LRRC2: variants seen among roughly 807,000 people sequenced by gnomAD.
The protein encoded by LRRC2 is leucine rich repeat containing 2.
Under a neutral mutation model 40.2 loss-of-function variants are expected in LRRC2, and 27 were observed. That is an observed-to-expected ratio of 0.67 (90% CI 0.49 to 0.93). The LOEUF (loss-of-function observed/expected upper bound fraction) is 0.93, where lower values mean the gene tolerates loss of function less well. LRRC2 is among the 40% of genes least tolerant of loss of function. The pLI, the probability that LRRC2 is intolerant of heterozygous loss-of-function variation, is 0.00. For synonymous variants in LRRC2, 147 were observed against 158.9 expected (o/e 0.92, Z 0.56); for missense variants, 402 against 439.6 (o/e 0.91, Z 0.76).
intron 5 of LRRC2, 56 bp from the exon 6 acceptor site, chr3:46,530,106 C>A (rs1704133025): frequency 1.4e-6 from 2 of 1,397,286 alleles, no homozygotes; most frequent in African/African-American, 2.9e-5. Flanking sequence ...GAATTAAGTT[C>A]AACTAATAAT....
intron 2 of LRRC2, among the ~76,000 whole-genome samples, chr3:46,550,200 A>G (rs930684961): frequency 1.3e-5 from 2 of 152,104 alleles, no homozygotes; most frequent in Admixed American, 6.5e-5. Context: ...TGAGCAACTT[A>G]CCTAAGTCCC....
intron 1 of LRRC2, among the ~76,000 whole-genome samples, chr3:46,555,658 C>G (rs898196106): frequency 6.6e-6 from 1 of 152,156 alleles, no homozygotes; most frequent in African/African-American, 2.4e-5. Context: ...CCTACATTCC[C>G]ACCTTTATGT....
At chr3:46,558,496 G>C (rs1270771024) in intron 1 of LRRC2, 1 of 152,170 alleles carries the variant, frequency 6.6e-6, no homozygotes, top group Non-Finnish European at 1.5e-5. Context: ...GCCCGTCTAC[G>C]GCGTGGCTGA....
At chr3:46,548,382 A>T (rs757653548) in intron 2 of LRRC2, among the ~76,000 whole-genome samples, 2 of 152,224 alleles carry the variant, frequency 1.3e-5, no homozygotes, top group Non-Finnish European at 2.9e-5. Context: ...TGATGAAAGG[A>T]AAGTGAAGAA....
At chr3:46,553,492 GGCTGGAGGGCAGTGATCCAGGT>G (rs1213867526) in intron 1 of LRRC2, among the ~76,000 whole-genome samples, 2 of 152,084 alleles carry the variant, frequency 1.3e-5, no homozygotes, top group Non-Finnish European at 2.9e-5. Flanking sequence ...CTGTTCCCTA[GGCTGGAGGGCAGTGATCCAGGT>G]GCAATCACTG....
At position 46,545,046 on chromosome 3, in the gene LRRC2, C is replaced by A. The variant is rs747681721; in HGVS notation, c.333G>T (p.Thr111=). The A allele has an allele frequency of 6.2e-7, 1 of 1,612,110 alleles. No homozygotes were observed. The highest frequency in any genetic ancestry group is 2.2e-5 in the East Asian group (1 of 44,902). The stretch of plus-strand genomic sequence containing the variant: ...TTGGGCGAGAACTGCCTCGACTCAC[C>A]GTCCAGTGCTCCCCAGAAAGTTCAA... ...FVFELSGEHW[T]ELPDSLKEQT... is the part of the protein sequence containing the mutation. The change falls in exon 3 of 9, where the codon ACG becomes ACT. Residue 111 remains threonine, a splice_region_variant and synonymous_variant. Coordinates refer to ENST00000395905, the MANE Select transcript of LRRC2 (RefSeq NM_024512.5).
chr3:46,530,847 T>G (rs1704146668), intron 5 of LRRC2, among the ~76,000 whole-genome samples: 1 of 152,216 alleles, frequency 6.6e-6, no homozygotes. Flanking sequence ...GGAGCTGCAA[T>G]TCAAGATGAG....
In LRRC2 at chr3:46,527,878, C is replaced by T. The variant is rs1704087717; in HGVS notation, c.774-297G>A. Among the ~76,000 whole-genome samples, 3 of 152,188 alleles carry T rather than the reference C, an allele frequency of 2.0e-5. No individual in the cohort carries two copies. The South Asian group carries it at 6.2e-4, about 32-fold the overall frequency. ...TCCTGAGTAACTAGGACTACAGGCA[C>T]ACGCCATCATGCCCGGCTAATTATT... On this transcript the variant is annotated intron_variant, in intron 6 of 8. Transcript: ENST00000395905.
chr3:46,521,755 G>C (rs981288898), intron 7 of LRRC2, 97 bp from the exon 8 acceptor site: 1 of 1,260,468 alleles, frequency 7.9e-7, no homozygotes, highest in Non-Finnish European at 1.1e-6. Flanking sequence ...CCAAGTTCTG[G>C]CTTACCTTTA....
At chr3:46,563,250 C>T (rs2107065784) in intron 1 of LRRC2, among the ~76,000 whole-genome samples, 1 of 152,292 alleles carries the variant, frequency 6.6e-6, no homozygotes, top group Middle Eastern at 3.4e-3. Flanking sequence ...ACCCCATCTT[C>T]TACTCAATAG....
At chr3:46,547,595 G>T (rs1386018729) in intron 2 of LRRC2, among the ~76,000 whole-genome samples, 3 of 151,986 alleles carry the variant, frequency 2.0e-5, no homozygotes, top group Non-Finnish European at 4.4e-5. Context: ...AGTCGAGGCT[G>T]CAGTGAGCTA....
chr3:46,555,464 T>A (rs987884257), intron 1 of LRRC2, among the ~76,000 whole-genome samples: 3 of 152,146 alleles, frequency 2.0e-5, no homozygotes, highest in African/African-American at 7.2e-5. Flanking sequence ...CTCTGAACAT[T>A]TTTTAGAATT....
chr3:46,527,722 GT>G, intron 6 of LRRC2, 141 bp from the exon 7 acceptor site: 1 of 684,472 alleles, frequency 1.5e-6, no homozygotes, highest in Non-Finnish European at 2.4e-6. Context: ...CTTATTCTAA[GT>G]TTTGTTCTTC....
chr3:46,536,932 G>A (rs1704279409), intron 4 of LRRC2, among the ~76,000 whole-genome samples: 1 of 152,180 alleles, frequency 6.6e-6, no homozygotes, highest in Admixed American at 6.5e-5. Context: ...AGACAACTGT[G>A]AGCATGACTC....
At chr3:46,542,841 T>G (rs1704425936) in intron 3 of LRRC2, among the ~76,000 whole-genome samples, 1 of 152,180 alleles carries the variant, frequency 6.6e-6, no homozygotes, top group African/African-American at 2.4e-5. Flanking sequence ...CAGCCCAAGC[T>G]GGCCACACAG....
intron 3 of LRRC2, among the ~76,000 whole-genome samples, chr3:46,543,823 C>G (rs1423560960): frequency 2.6e-5 from 4 of 151,912 alleles, no homozygotes; most frequent in African/African-American, 9.7e-5. Flanking sequence ...CCCTTCGTGC[C>G]CTAGAATAGG....
chr3:46,551,381 A>G (rs547524957), intron 2 of LRRC2, 86 bp downstream of exon 2: 60 of 1,494,312 alleles, frequency 4.0e-5, no homozygotes, highest in Non-Finnish European at 5.0e-5. Context: ...CCAGAAGAAA[A>G]GCATCCTCCT....
At chr3:46,519,536 C>G (rs1444054171) in intron 8 of LRRC2, among the ~76,000 whole-genome samples, 1 of 152,218 alleles carries the variant, frequency 6.6e-6, no homozygotes, top group Non-Finnish European at 1.5e-5. Flanking sequence ...GCTGACCCCT[C>G]TTCTCTCTCC....
At chr3:46,558,713 C>T (rs1010163725) in intron 1 of LRRC2, 1 of 152,304 alleles carries the variant, frequency 6.6e-6, no homozygotes, top group South Asian at 2.1e-4. Flanking sequence ...TTGTAGTTAC[C>T]CTGCTCTGCC....
Sources: gnomAD v4.1 joint callset for allele counts (sites outside exome capture counted in the v4.1 genomes callset) on GRCh38, gnomAD v4.1.1 for gene constraint, MANE v1.5 for transcripts, NCBI Gene and HGNC (gene_info 2026-07-23, HGNC 2026-07-21) for gene names.